Variants in PTH2R observed in about 807,000 individuals in gnomAD.
PTH2R encodes the protein parathyroid hormone 2 receptor.
A neutral mutation model predicts 60.3 loss-of-function variants in PTH2R; 59 were observed. That is an observed-to-expected ratio of 0.98 (90% confidence interval 0.79 to 1.22). PTH2R has a LOEUF of 1.22. Ranked by LOEUF, PTH2R falls within the 50% of genes most tolerant of loss-of-function variation. PTH2R has a pLI of 0.00. For synonymous variants in PTH2R, 256 were observed against 243.8 expected (o/e 1.05, Z -0.47); for missense variants, 749 against 682.6 (o/e 1.10, Z -1.08).
chr2:208,406,268 C>CT (rs1292475516), upstream of PTH2R, among the ~76,000 whole-genome samples: 2 of 152,036 alleles, frequency 1.3e-5, no homozygotes, highest in Admixed American at 6.5e-5. Flanking sequence ...TATTAGTTGT[C>CT]TTTTTTTAAT....
Position 208,469,448 on chromosome 2 carries a change from C to A in PTH2R, c.981+9487C>A, listed in dbSNP as rs143772366. The stretch of plus-strand genomic sequence containing the variant: ...ATTAGATAAATTATGGTCAGAATTT[C>A]TAAGCAATATATGAGGTAAACTAAA... On this transcript the variant is annotated intron_variant, in intron 9 of 12. Coordinates refer to ENST00000272847, the MANE Select transcript of PTH2R (RefSeq NM_005048.4). Among the ~76,000 whole-genome samples the A allele has an allele frequency of 1.2e-3, 181 of 152,096 alleles. 1 individual carries two copies. Among genetic ancestry groups the A allele is most frequent in the African/African-American group, 4.3e-3 (177 of 41,490 alleles).
intron 9 of PTH2R, chr2:208,466,146 G>A (rs531057549): frequency 3.9e-5 from 6 of 152,152 alleles, no homozygotes; most frequent in Non-Finnish European, 8.8e-5. Flanking sequence ...AGCGGCAGGG[G>A]GAATCTAACG....
chr2:208,410,510 G>A (rs1203574924), intron 1 of PTH2R, among the ~76,000 whole-genome samples: 1 of 152,086 alleles, frequency 6.6e-6, no homozygotes, highest in Non-Finnish European at 1.5e-5. Context: ...TCTCACCCAG[G>A]TCTATAATGA....
At chr2:208,489,765 C>T (rs940116397) in intron 11 of PTH2R, among the ~76,000 whole-genome samples, 2 of 152,164 alleles carry the variant, frequency 1.3e-5, no homozygotes, top group Admixed American at 6.5e-5. Context: ...CATACACAGC[C>T]CTGCATGTCG....
At chr2:208,377,845 T>C (rs1235528711) in intron 1 of PTH2R, among the ~76,000 whole-genome samples, 2 of 142,808 alleles carry the variant, frequency 1.4e-5, no homozygotes, top group African/African-American at 5.3e-5. Flanking sequence ...CCTCACTTCC[T>C]AGACGTGATG....
At position 208,461,627 on chromosome 2, in the gene PTH2R, T is replaced by C. The variant is rs540581287; in HGVS notation, c.981+1666T>C. Among the ~76,000 whole-genome samples the C allele has an allele frequency of 6.2e-4, 94 of 152,252 alleles. 4 individuals carry two copies. The South Asian group carries it at 0.019, about 31-fold the overall frequency. ...TGATTAAATATGATTTTACATTTGATGAAAAGGAAGGACCTATTGAAATGC... is the reference window on the plus strand; with the variant it reads ...TGATTAAATATGATTTTACATTTGACGAAAAGGAAGGACCTATTGAAATGC... On this transcript the variant is annotated intron_variant, in intron 9 of 12. Coordinates refer to ENST00000272847, the MANE Select transcript of PTH2R (RefSeq NM_005048.4).
In PTH2R at chr2:208,450,675, A is replaced by T. The variant is rs542086932; in HGVS notation, c.854-74A>T. The T allele has an allele frequency of 5.9e-5, 83 of 1,406,922 alleles. No individual in the cohort carries two copies. In the East Asian group the frequency reaches 1.2e-3, roughly 21 times the overall value. 87.2% of individuals were successfully genotyped at this position (1,406,922 alleles called of 1,614,324 possible). A position where few individuals can be genotyped will look rare whatever the true frequency, so the allele number is the denominator to read the frequency against. ...TGAACAGCTAATAGTATATTCTTAT[A>T]TATGGTGAATTTGAGGAAAAAACCT... On this transcript the variant is annotated intron_variant, in intron 7 of 12. Coordinates refer to ENST00000272847, the MANE Select transcript of PTH2R (RefSeq NM_005048.4).
At chr2:208,459,640 C>T (rs891375966) in intron 8 of PTH2R, among the ~76,000 whole-genome samples, 6 of 152,138 alleles carry the variant, frequency 3.9e-5, no homozygotes, top group Admixed American at 6.5e-5. Context: ...GGTTGACTCT[C>T]GTCACAATAA....
rs73983770 is a variant in PTH2R at position 208,381,725 on chromosome 2, C to T, written c.-259+21488C>T. 6.5e-3 allele frequency among the ~76,000 whole-genome samples: 997 copies of T among 152,238 alleles called. 15 individuals carry two copies. The highest frequency in any genetic ancestry group is 0.023 in the African/African-American group (942 of 41,494). ...CCTAAAATGACTCCCAAATGACCCA[C>T]ACCCTTGTACAATCAATACCCTGTC... On this transcript the variant is annotated intron_variant, in intron 1 of 12. Coordinates refer to the PTH2R transcript ENST00000617735.
At chr2:208,368,867 A>C (rs1333139840) in intron 1 of PTH2R, among the ~76,000 whole-genome samples, 1 of 152,218 alleles carries the variant, frequency 6.6e-6, no homozygotes, top group Non-Finnish European at 1.5e-5. Flanking sequence ...TTGAAAATAA[A>C]TACAGTACTG....
intron 1 of PTH2R, among the ~76,000 whole-genome samples, chr2:208,423,169 G>C (rs1574859389): frequency 6.6e-6 from 1 of 150,644 alleles, no homozygotes; most frequent in East Asian, 2.0e-4. Flanking sequence ...AGGTTCTCGG[G>C]GTGGGAGATT....
At chr2:208,395,046 T>A (rs1389549098) in intron 1 of PTH2R, among the ~76,000 whole-genome samples, 1 of 151,840 alleles carries the variant, frequency 6.6e-6, no homozygotes, top group Non-Finnish European at 1.5e-5. Context: ...TGATTTCTTT[T>A]CTTTTTTATT....
intron 4 of PTH2R, among the ~76,000 whole-genome samples, chr2:208,439,894 G>A (rs1007496012): frequency 1.3e-5 from 2 of 152,144 alleles, no homozygotes; most frequent in African/African-American, 4.8e-5. Flanking sequence ...TAAGGATTTA[G>A]AATGGGGGAA....
chr2:208,408,465 C>T (rs1241787438), intron 1 of PTH2R, among the ~76,000 whole-genome samples: 3 of 151,836 alleles, frequency 2.0e-5, no homozygotes, highest in Admixed American at 6.6e-5. Flanking sequence ...GAACTCTAAC[C>T]GTTTATTTTA....
chr2:208,440,622 C>A (rs1172691128), intron 4 of PTH2R, among the ~76,000 whole-genome samples: 1 of 151,970 alleles, frequency 6.6e-6, no homozygotes, highest in East Asian at 1.9e-4. Context: ...GAGAAGAGAC[C>A]CATGGCTGCG....
intron 9 of PTH2R, chr2:208,466,102 C>G (rs1305398583): frequency 6.6e-6 from 1 of 152,114 alleles, no homozygotes; most frequent in Non-Finnish European, 1.5e-5. Context: ...CACTCACAGT[C>G]ATTTACTTAG....
intron 2 of PTH2R, among the ~76,000 whole-genome samples, chr2:208,433,387 A>T (rs1380911902): frequency 6.6e-6 from 1 of 152,244 alleles, no homozygotes; most frequent in African/African-American, 2.4e-5. Context: ...AAAACACTGG[A>T]ATGACATTTT....
chr2:208,449,519 G>A (rs1702360635), intron 7 of PTH2R, among the ~76,000 whole-genome samples: 1 of 151,844 alleles, frequency 6.6e-6, no homozygotes. Context: ...GAATTAGGTA[G>A]GTCTATTTTG....
intron 1 of PTH2R, among the ~76,000 whole-genome samples, chr2:208,380,779 C>G (rs569554120): frequency 2.6e-5 from 4 of 152,234 alleles, no homozygotes; most frequent in African/African-American, 9.6e-5. Context: ...GCCTCAAGGC[C>G]TGCATTCATC....
Sources: allele counts gnomAD v4.1 joint callset (sites outside exome capture counted in the v4.1 genomes callset), GRCh38; gene constraint gnomAD v4.1.1; transcripts MANE v1.5; gene names NCBI Gene and HGNC (gene_info 2026-07-23, HGNC 2026-07-21).